The following CERK variants were observed in gnomAD, a reference collection of about 807,000 sequenced individuals.
CERK encodes the protein ceramide kinase.
In CERK, 39 loss-of-function variants were observed where a neutral mutation model predicts 63.4. The observed-to-expected ratio is 0.61, with a 90% confidence interval of 0.48 to 0.80. CERK has a LOEUF of 0.80. Ranked by LOEUF, CERK falls within the 30% of genes least tolerant of loss-of-function variation. The pLI is 0.00. For missense variants in CERK, 670 were observed against 714.1 expected (o/e 0.94, Z 0.70); for synonymous variants, 302 against 280.0 (o/e 1.08, Z -0.78).
At chr22:46,723,153 TG>T (rs2146584658) in intron 1 of CERK, among the ~76,000 whole-genome samples, 1 of 152,334 alleles carries the variant, frequency 6.6e-6, no homozygotes, top group Non-Finnish European at 1.5e-5. Flanking sequence ...AAGGTGTACC[TG>T]CTCCTCTGGC....
chr22:46,717,873 G>GA (rs1214286810), intron 3 of CERK, among the ~76,000 whole-genome samples: 2 of 152,150 alleles, frequency 1.3e-5, no homozygotes, highest in East Asian at 3.9e-4. Context: ...TTGAGGTCAG[G>GA]AGTTCGAGAC....
In CERK at chr22:46,720,151, C is replaced by T; in HGVS notation, c.314G>A (p.Trp105Ter). Residue 105 changes from tryptophan (W) to a stop codon, truncating the protein, a stop_gained, in exon 3 of 13, where the codon TGG becomes TAG. Coordinates refer to ENST00000216264, the MANE Select transcript of CERK (RefSeq NM_022766.6). LOFTEE classifies it high-confidence loss of function. ...GTGACACAGCTGCTCCTCTGGACAC[C>T]AGAAAGTCACCTGCGCCCACTTCCA... ...HRWKWAQVTF[W>*]CPEEQLCHLW... The T allele has an allele frequency of 6.2e-7, 1 of 1,614,120 alleles. No homozygotes were observed. The highest frequency in any genetic ancestry group is 8.5e-7 in the Non-Finnish European group (1 of 1,180,036).
At chr22:46,702,313 G>GA (rs2082790771) in intron 6 of CERK, among the ~76,000 whole-genome samples, 1 of 130,656 alleles carries the variant, frequency 7.7e-6, no homozygotes. Flanking sequence ...TTTTTTTTCC[G>GA]AGACGGAGTC....
chr22:46,734,921 T>C lies in CERK; in HGVS notation c.142+3086A>G, dbSNP rs568866454. On this transcript the variant is annotated intron_variant, in intron 1 of 12. Transcript: ENST00000216264. ...GGCATGCCTATGTTTTGCCAGGCAC[T>C]TTGCAGGGTGTGCTGAGGACACGCT... is the stretch of plus-strand genomic sequence containing the variant. Among the ~76,000 whole-genome samples the C allele has an allele frequency of 1.1e-4, 16 of 152,326 alleles. No homozygotes were observed. In the South Asian group the frequency reaches 2.9e-3, roughly 28 times the overall value.
intron 1 of CERK, 107 bp from the exon 2 acceptor site, chr22:46,721,122 A>C (rs2082890266): frequency 2.6e-6 from 2 of 755,776 alleles, no homozygotes; most frequent in African/African-American, 3.5e-5. Context: ...TATTCTCATT[A>C]GAAATTCAGG....
chr22:46,720,676 C>A (rs1389195576), intron 2 of CERK, among the ~76,000 whole-genome samples: 1 of 151,834 alleles, frequency 6.6e-6, no homozygotes, highest in Non-Finnish European at 1.5e-5. Flanking sequence ...GCTTGGGCAA[C>A]AAGAGCAAAA....
intron 5 of CERK, among the ~76,000 whole-genome samples, chr22:46,709,669 G>A (rs985465312): frequency 3.9e-5 from 6 of 152,142 alleles, no homozygotes; most frequent in Admixed American, 2.6e-4. Flanking sequence ...ATTGCTCACC[G>A]ACTCCAGATG....
chr22:46,707,710 C>G (rs530424354), intron 6 of CERK, 133 bp downstream of exon 6: 11 of 1,028,390 alleles, frequency 1.1e-5, no homozygotes, highest in African/African-American at 9.6e-5. Flanking sequence ...CAAGAGTGGC[C>G]CTAATGTTAG....
Position 46,720,968 on chromosome 22 carries a change from C to T in CERK, c.190G>A (p.Asp64Asn). Residue 64 changes from aspartate (D) to asparagine (N), a missense_variant, in exon 2 of 13, where the codon GAC becomes AAC. Asp to Asn is a conservative substitution (Grantham distance 23). Transcript: ENST00000216264. ...VSEIIAVEETDVHGKHQGSGK... is the reference protein window; with the variant it reads ...VSEIIAVEETNVHGKHQGSGK... The stretch of plus-strand genomic sequence containing the variant: ...CTGCCTTGATGTTTCCCGTGAACGT[C>T]TGTTTCCTCAACGGCGATGATCTCA... The T allele has an allele frequency of 6.2e-7, 1 of 1,613,882 alleles. No homozygotes were observed. Among genetic ancestry groups the T allele is most frequent in the Non-Finnish European group, 8.5e-7 (1 of 1,179,818 alleles).
intron 6 of CERK, among the ~76,000 whole-genome samples, chr22:46,704,913 C>G (rs2082805861): frequency 6.6e-6 from 1 of 151,770 alleles, no homozygotes; most frequent in African/African-American, 2.4e-5. Context: ...TACAAAAGCA[C>G]ACAATGCAAA....
At chr22:46,728,197 C>A (rs559788688) in intron 1 of CERK, among the ~76,000 whole-genome samples, 4 of 152,118 alleles carry the variant, frequency 2.6e-5, no homozygotes, top group African/African-American at 7.2e-5. Flanking sequence ...TGTCAGGTCG[C>A]GGGAAACCTG....
intron 9 of CERK, chr22:46,693,752 G>C (rs2082742921): frequency 6.8e-6 from 3 of 438,184 alleles, no homozygotes; most frequent in East Asian, 4.7e-5. Flanking sequence ...GGACGCTGAG[G>C]TGCCACCTGG....
chr22:46,738,066 G>T lies in CERK; in HGVS notation c.83C>A (p.Ala28Glu), dbSNP rs997751547. Residue 28 changes from alanine (A) to glutamate (E), a missense_variant, in exon 1 of 13, where the codon GCG becomes GAG. Ala to Glu is a moderately radical substitution (Grantham distance 107, BLOSUM62 -1). Coordinates refer to ENST00000216264, the MANE Select transcript of CERK (RefSeq NM_022766.6). ...QQRCAVSLEPARALLRWWRSP... is the reference protein window; with the variant it reads ...QQRCAVSLEPERALLRWWRSP... Reference sequence around the variant, plus strand: ...CCGCCACCAGCGCAGCAGAGCCCGCGCGGGCTCCAGGCTCACGGCGCAGCG... The same window carrying T: ...CCGCCACCAGCGCAGCAGAGCCCGCTCGGGCTCCAGGCTCACGGCGCAGCG... 9.5e-6 allele frequency: 12 copies of T among 1,260,942 alleles called. No homozygotes were observed. The African/African-American group carries it at 1.7e-4, about 18-fold the overall frequency. The allele number at this position is 1,260,942 out of a possible 1,614,324, so 78.1% of individuals were successfully genotyped here.
chr22:46,712,285 G>C lies in CERK; in HGVS notation c.388C>G (p.Pro130Ala), dbSNP rs769872308. ...TTGATAAATACCAGTAAATGCTTTGGTCTGGACGCTGTAAGACAACAACAT... is the reference window on the plus strand; with the variant it reads ...TTGATAAATACCAGTAAATGCTTTGCTCTGGACGCTGTAAGACAACAACAT... ...REMLEKLTSR[P>A]KHLLVFINPF... Residue 130 changes from proline to alanine, a missense_variant, in exon 4 of 13, where the codon CCA becomes GCA. Transcript: ENST00000216264. 6.2e-7 allele frequency: 1 copy of C among 1,613,962 alleles called. No individual in the cohort carries two copies. Among genetic ancestry groups the C allele is most frequent in the Non-Finnish European group, 8.5e-7 (1 of 1,179,876 alleles).
At chr22:46,697,140 C>A (rs1411164220) in intron 8 of CERK, among the ~76,000 whole-genome samples, 1 of 152,166 alleles carries the variant, frequency 6.6e-6, no homozygotes, top group African/African-American at 2.4e-5. Context: ...TAAAGTTTGC[C>A]AAATCACTAT....
At position 46,722,884 on chromosome 22, in the gene CERK, T is replaced by C. The variant is rs1297994876; in HGVS notation, c.143-1869A>G. Among the ~76,000 whole-genome samples the C allele has an allele frequency of 2.0e-5, 3 of 152,226 alleles. No individual in the cohort carries two copies. The South Asian group carries it at 6.2e-4, about 32-fold the overall frequency. ...AGGGAGGTGGTGGGGACAGCCTCAC[T>C]GTCAGGGTCAGGGTTCAGAGGATTC... On this transcript the variant is annotated intron_variant, in intron 1 of 12. Transcript: ENST00000216264.
At position 46,687,139 on chromosome 22, in the gene CERK, T is replaced by A. The variant is rs2082705982; in HGVS notation, c.1609A>T (p.Ser537Cys). The stretch of plus-strand genomic sequence containing the variant: ...GTGAGCAGGACGCCGGCTTCTCAGC[T>A]GTGTGAGTCTGGCTTCGGATTCTCT... ...IEENPKPDSH[S>C] The change falls in exon 13 of 13, where the codon AGC becomes TGC. Residue 537 changes from serine (S) to cysteine (C), a missense_variant. Transcript: ENST00000216264. The A allele has an allele frequency of 6.2e-7, 1 of 1,614,008 alleles. No homozygotes were observed.
At chr22:46,702,717 G>T (rs767842320) in intron 6 of CERK, among the ~76,000 whole-genome samples, 10 of 152,360 alleles carry the variant, frequency 6.6e-5, no homozygotes, top group Non-Finnish European at 8.8e-5. Context: ...CCGTGAACGG[G>T]GCCGGCTGCG....
In CERK at chr22:46,687,097, TCA is replaced by T. The variant is rs1357133243; in HGVS notation, c.*35_*36del. ...CTGTAATAATTATCTTAAATAGTTT[TCA>T]CACTTTCCCAGTTTGTGAGCAGGAC... On this transcript the variant is annotated 3_prime_UTR_variant, in exon 13 of 13. Coordinates refer to ENST00000216264, the MANE Select transcript of CERK (RefSeq NM_022766.6). 2 of 1,566,946 alleles carry T rather than the reference TCA, an allele frequency of 1.3e-6. No individual in the cohort carries two copies. Among genetic ancestry groups the T allele is most frequent in the Non-Finnish European group, 1.8e-6 (2 of 1,137,486 alleles).
Sources: allele counts gnomAD v4.1 joint callset (sites outside exome capture counted in the v4.1 genomes callset), GRCh38; gene constraint gnomAD v4.1.1; transcripts MANE v1.5; gene names NCBI Gene and HGNC (gene_info 2026-07-23, HGNC 2026-07-21).